Variants in CACNA1E observed in about 807,000 individuals in gnomAD.
CACNA1E encodes calcium voltage-gated channel subunit alpha1 E, also known as voltage-dependent R-type calcium channel subunit alpha-1E.
Under a neutral mutation model 259.2 loss-of-function variants are expected in CACNA1E, and 40 were observed. The ratio of observed to expected loss-of-function variants is 0.15; its 90% CI spans 0.12 to 0.20. The LOEUF is 0.20. Among genes scored for constraint, CACNA1E ranks in the 10% least tolerant of loss-of-function variants. The probability of loss-of-function intolerance (pLI) is 1.00; values close to 1 mark genes in which losing one functional copy is unlikely to be tolerated. For synonymous variants in CACNA1E, 1,104 were observed against 1,138.5 expected (o/e 0.97, Z 0.61); for missense variants, 1,874 against 3,040.1 (o/e 0.62, Z 9.02).
chr1:181,372,834 T>G (rs1396694613), intron 1 of CACNA1E, among the ~76,000 whole-genome samples: 2 of 148,160 alleles, frequency 1.3e-5, no homozygotes, highest in Non-Finnish European at 3.0e-5. Context: ...ATATATTTTT[T>G]TTTTAACATG....
intron 3 of CACNA1E, among the ~76,000 whole-genome samples, chr1:181,536,307 T>C (rs1399773621): frequency 6.6e-6 from 1 of 152,182 alleles, no homozygotes; most frequent in Admixed American, 6.5e-5. Context: ...ATCTTTTCTT[T>C]ATATTTTTCA....
intron 1 of CACNA1E, among the ~76,000 whole-genome samples, chr1:181,367,724 T>A (rs1307949743): frequency 1.3e-5 from 2 of 151,610 alleles, no homozygotes. Flanking sequence ...CTTAAAAATG[T>A]TTCATAAGAG....
At chr1:181,580,854 T>G in intron 6 of CACNA1E, 78 bp downstream of exon 6, 1 of 1,310,090 alleles carries the variant, frequency 7.6e-7, no homozygotes. Flanking sequence ...TTGGCCTGGC[T>G]AGTCCGGGGA....
At chr1:181,440,140 T>C (rs551988448) in intron 2 of CACNA1E, among the ~76,000 whole-genome samples, 1 of 152,346 alleles carries the variant, frequency 6.6e-6, no homozygotes, top group Admixed American at 6.5e-5. Context: ...CAGGTAGATG[T>C]TTTCTTTGGA....
intron 7 of CACNA1E, among the ~76,000 whole-genome samples, chr1:181,688,383 A>G (rs751788560): frequency 5.3e-5 from 8 of 152,228 alleles, no homozygotes; most frequent in Non-Finnish European, 1.2e-4. Flanking sequence ...GTGTATTGCA[A>G]GTTATCCCCT....
chr1:181,590,670 C>T (rs991665051), intron 6 of CACNA1E, among the ~76,000 whole-genome samples: 3 of 152,050 alleles, frequency 2.0e-5, no homozygotes, highest in Non-Finnish European at 2.9e-5. Context: ...CTTCCTCACC[C>T]CAGGAGCTGG....
At chr1:181,669,551 A>G (rs764907678) in intron 7 of CACNA1E, among the ~76,000 whole-genome samples, 1 of 152,174 alleles carries the variant, frequency 6.6e-6, no homozygotes, top group Non-Finnish European at 1.5e-5. Flanking sequence ...ACGTTATTTT[A>G]TAGTTATTTG....
At chr1:181,728,417 C>T (rs1301573482) in intron 18 of CACNA1E, among the ~76,000 whole-genome samples, 1 of 152,220 alleles carries the variant, frequency 6.6e-6, no homozygotes, top group Non-Finnish European at 1.5e-5. Context: ...GTGCTGCAAA[C>T]ATCCAAGACC....
intron 6 of CACNA1E, among the ~76,000 whole-genome samples, chr1:181,630,534 T>G (rs1452924788): frequency 2.0e-5 from 3 of 152,140 alleles, no homozygotes; most frequent in Admixed American, 1.3e-4. Context: ...CCAGCTGTAT[T>G]GCAACAACGC....
At position 181,721,887 on chromosome 1, in the gene CACNA1E, A is replaced by C; in HGVS notation, c.2074+12A>C. 1 of 1,500,804 alleles carries C rather than the reference A, an allele frequency of 6.7e-7. No homozygotes were observed. Among genetic ancestry groups the C allele is most frequent in the Non-Finnish European group, 9.3e-7 (1 of 1,076,546 alleles). 93.0% of individuals were successfully genotyped at this position (1,500,804 alleles called of 1,614,324 possible). A position where few individuals can be genotyped will look rare whatever the true frequency, so the allele number is the denominator to read the frequency against. ...CTTGTTTGGCAACTGTATCCTTTTTAAGATGCACCTCCTCAAGCTGCCTGC... is the reference window on the plus strand; with the variant it reads ...CTTGTTTGGCAACTGTATCCTTTTTCAGATGCACCTCCTCAAGCTGCCTGC... On this transcript the variant is annotated intron_variant, in intron 16 of 47. Coordinates refer to ENST00000367573, the MANE Select transcript of CACNA1E (RefSeq NM_001205293.3).
chr1:181,586,646 G>A (rs1036068652), intron 6 of CACNA1E, among the ~76,000 whole-genome samples: 3 of 152,168 alleles, frequency 2.0e-5, no homozygotes, highest in African/African-American at 7.2e-5. Context: ...TGATTATTCA[G>A]TTAAAAAAGG....
chr1:181,734,980 A>C (rs1308422299), intron 21 of CACNA1E, among the ~76,000 whole-genome samples: 1 of 152,198 alleles, frequency 6.6e-6, no homozygotes, highest in African/African-American at 2.4e-5. Context: ...GTGATCACTG[A>C]ATTGTGACCA....
chr1:181,543,230 A>G (rs1668731229), intron 3 of CACNA1E, among the ~76,000 whole-genome samples: 1 of 152,126 alleles, frequency 6.6e-6, no homozygotes, highest in African/African-American at 2.4e-5. Flanking sequence ...ATTTCTAATA[A>G]GATCCCTGCT....
intron 7 of CACNA1E, among the ~76,000 whole-genome samples, chr1:181,692,061 TACAATGGCC>T (rs1468535157): frequency 1.3e-5 from 2 of 151,998 alleles, no homozygotes; most frequent in Non-Finnish European, 2.9e-5. Flanking sequence ...CAATCCCCTT[TACAATGGCC>T]ACAAAAAATA....
At chr1:181,507,216 A>G (rs920680568) in intron 1 of CACNA1E, among the ~76,000 whole-genome samples, 2 of 152,130 alleles carry the variant, frequency 1.3e-5, no homozygotes, top group African/African-American at 4.8e-5. Flanking sequence ...GGCCTTGGGT[A>G]GCACCAGCCA....
chr1:181,714,339 G>T (rs557864565), intron 8 of CACNA1E, among the ~76,000 whole-genome samples: 2 of 152,306 alleles, frequency 1.3e-5, no homozygotes, highest in Admixed American at 1.3e-4. Context: ...GGGTATGGTG[G>T]TGGGGAGCAC....
At chr1:181,532,088 G>T (rs1391505238) in intron 3 of CACNA1E, among the ~76,000 whole-genome samples, 1 of 152,078 alleles carries the variant, frequency 6.6e-6, no homozygotes, top group African/African-American at 2.4e-5. Flanking sequence ...AGAAAACTGG[G>T]TGACATGGAG....
intron 7 of CACNA1E, among the ~76,000 whole-genome samples, chr1:181,690,398 G>A (rs891367418): frequency 7.0e-4 from 107 of 152,170 alleles, no homozygotes; most frequent in Non-Finnish European, 1.3e-4. Context: ...ATAGTTTGAA[G>A]TCAGGTAGCA....
At chr1:181,738,755 G>A (rs1456999354) in intron 24 of CACNA1E, among the ~76,000 whole-genome samples, 3 of 152,236 alleles carry the variant, frequency 2.0e-5, no homozygotes, top group Admixed American at 6.5e-5. Flanking sequence ...CAAAGGGCTA[G>A]GTAGAGATGA....
Sources: gnomAD v4.1 joint callset for allele counts (sites outside exome capture counted in the v4.1 genomes callset) on GRCh38, gnomAD v4.1.1 for gene constraint, MANE v1.5 for transcripts, NCBI Gene and HGNC (gene_info 2026-07-23, HGNC 2026-07-21) for gene names.